Variants in TECRL observed in about 807,000 individuals in gnomAD.
TECRL encodes trans-2,3-enoyl-CoA reductase-like.
A neutral mutation model predicts 52.8 loss-of-function variants in TECRL; 63 were observed. The ratio of observed to expected loss-of-function variants is 1.19; its 90% CI spans 0.97 to 1.47. TECRL has a LOEUF of 1.47. Among genes scored for constraint, TECRL ranks in the 40% most tolerant of loss-of-function variants. TECRL has a pLI of 0.00. For missense variants in TECRL, 482 were observed against 429.6 expected, an observed-to-expected ratio of 1.12 and a Z score of -1.08; for synonymous variants, 164 against 141.9, an observed-to-expected ratio of 1.16 and a Z score of -1.10.
chr4:64,281,835 T>C (rs1462953157), intron 9 of TECRL, among the ~76,000 whole-genome samples: 1 of 151,866 alleles, frequency 6.6e-6, no homozygotes, highest in East Asian at 1.9e-4. Context: ...TTCTTTAAGA[T>C]CTTAAATATA....
At chr4:64,314,824 T>A in intron 4 of TECRL, 61 bp from the exon 5 acceptor site, 1 of 1,196,764 alleles carries the variant, frequency 8.4e-7, no homozygotes, top group Non-Finnish European at 1.2e-6. Context: ...GGTTCATTTG[T>A]GTCTATGAGT....
At chr4:64,354,051 A>T (rs1014808235) in intron 2 of TECRL, among the ~76,000 whole-genome samples, 3 of 152,200 alleles carry the variant, frequency 2.0e-5, no homozygotes, top group Non-Finnish European at 4.4e-5. Context: ...CAAACTAGAC[A>T]TGCTCAAATA....
intron 2 of TECRL, among the ~76,000 whole-genome samples, chr4:64,368,001 C>A (rs1721721264): frequency 1.3e-5 from 2 of 151,896 alleles, no homozygotes; most frequent in African/African-American, 2.4e-5. Context: ...GTTTTATTAA[C>A]CTGGTAGTGT....
intron 1 of TECRL, among the ~76,000 whole-genome samples, chr4:64,385,724 T>C (rs1200094687): frequency 6.6e-6 from 1 of 152,056 alleles, no homozygotes; most frequent in Non-Finnish European, 1.5e-5. Flanking sequence ...TCTTAAGAGA[T>C]GTGTGGAACG....
intron 11 of TECRL, among the ~76,000 whole-genome samples, chr4:64,280,691 CA>C (rs1430788390): frequency 1.3e-5 from 2 of 152,084 alleles, no homozygotes; most frequent in East Asian, 3.9e-4. Flanking sequence ...AACTCTCATA[CA>C]ACCCAACTCT....
chr4:64,279,595 G>T lies in TECRL; in HGVS notation c.*477C>A. On this transcript the variant is annotated 3_prime_UTR_variant, in exon 12 of 12. Coordinates refer to ENST00000381210, the MANE Select transcript of TECRL (RefSeq NM_001010874.5). Reference sequence around the variant, plus strand: ...CATATTTTTTGTCTTTTTGAAAATAGTCACCTTAATTAGGATGAGATGATA... The same window carrying T: ...CATATTTTTTGTCTTTTTGAAAATATTCACCTTAATTAGGATGAGATGATA... 1 of 199,490 alleles carries T rather than the reference G, an allele frequency of 5.0e-6. No individual in the cohort carries two copies. The highest frequency in any genetic ancestry group is 1.8e-4 in the South Asian group (1 of 5,688). The allele number at this position is 199,490 out of a possible 1,614,324, so 12.4% of individuals were successfully genotyped here. A position where few individuals can be genotyped will look rare whatever the true frequency, so the allele number is the denominator to read the frequency against.
chr4:64,399,314 T>C (rs1699646196), intron 1 of TECRL, among the ~76,000 whole-genome samples: 1 of 152,082 alleles, frequency 6.6e-6, no homozygotes, highest in Non-Finnish European at 1.5e-5. Context: ...TAACTTGAAG[T>C]TGGAACTTAT....
intron 6 of TECRL, among the ~76,000 whole-genome samples, chr4:64,306,163 CTCTG>C (rs1377909878): frequency 6.6e-6 from 1 of 152,144 alleles, no homozygotes; most frequent in Non-Finnish European, 1.5e-5. Flanking sequence ...AACACTGGGC[CTCTG>C]TCAGTCAGTT....
At chr4:64,407,495 G>A (rs1264061999) in intron 1 of TECRL, among the ~76,000 whole-genome samples, 2 of 151,818 alleles carry the variant, frequency 1.3e-5, no homozygotes, top group Non-Finnish European at 2.9e-5. Flanking sequence ...ATGTGTGTGT[G>A]TGTGTGTGTG....
At chr4:64,391,199 T>C (rs1376058454) in intron 1 of TECRL, among the ~76,000 whole-genome samples, 1 of 151,910 alleles carries the variant, frequency 6.6e-6, no homozygotes, top group Non-Finnish European at 1.5e-5. Context: ...AAAAGTTTGA[T>C]GATTATATGA....
chr4:64,406,060 A>G (rs988441463), intron 1 of TECRL, among the ~76,000 whole-genome samples: 1 of 152,110 alleles, frequency 6.6e-6, no homozygotes. Flanking sequence ...GAAAGCTGAC[A>G]ATATGAATAC....
chr4:64,403,568 T>A (rs1203119181), intron 1 of TECRL, among the ~76,000 whole-genome samples: 1 of 151,766 alleles, frequency 6.6e-6, no homozygotes, highest in Non-Finnish European at 1.5e-5. Flanking sequence ...ATAAACTATC[T>A]AGGACACACA....
chr4:64,313,813 T>C (rs1004779974), intron 5 of TECRL, among the ~76,000 whole-genome samples: 91 of 150,288 alleles, frequency 6.1e-4, no homozygotes, highest in Admixed American at 1.9e-3. Flanking sequence ...TTCAAAATGG[T>C]ATTTAATTTT....
intron 6 of TECRL, among the ~76,000 whole-genome samples, 178 bp from the exon 7 acceptor site, chr4:64,305,416 T>C (rs1158816825): frequency 1.3e-5 from 2 of 152,092 alleles, no homozygotes; most frequent in African/African-American, 4.8e-5. Context: ...ATAAACAGAA[T>C]ATTACTTTGC....
intron 4 of TECRL, among the ~76,000 whole-genome samples, chr4:64,321,204 G>C (rs921318822): frequency 6.6e-6 from 1 of 150,996 alleles, no homozygotes; most frequent in Non-Finnish European, 1.5e-5. Context: ...AAGAAAGACT[G>C]TTAGAAAATA....
intron 7 of TECRL, among the ~76,000 whole-genome samples, chr4:64,300,939 C>G (rs1025639463): frequency 6.6e-6 from 1 of 150,828 alleles, no homozygotes; most frequent in African/African-American, 2.4e-5. Context: ...ATAAATAATA[C>G]TGCTTTGAAC....
chr4:64,398,957 T>G (rs1342543555), intron 1 of TECRL, among the ~76,000 whole-genome samples: 1 of 152,152 alleles, frequency 6.6e-6, no homozygotes, highest in Non-Finnish European at 1.5e-5. Context: ...AGAGCATGGG[T>G]GCATTGTGCC....
chr4:64,408,310 C>T (rs1724867485), intron 1 of TECRL, among the ~76,000 whole-genome samples: 1 of 151,808 alleles, frequency 6.6e-6, no homozygotes, highest in Non-Finnish European at 1.5e-5. Flanking sequence ...TTTTGTAAAA[C>T]AAGATCAAGC....
intron 1 of TECRL, among the ~76,000 whole-genome samples, chr4:64,407,832 T>C (rs952518027): frequency 6.7e-6 from 1 of 150,004 alleles, no homozygotes; most frequent in African/African-American, 2.4e-5. Context: ...ATTTAAATAT[T>C]AAATATTTTG....
Sources: allele counts gnomAD v4.1 joint callset (sites outside exome capture counted in the v4.1 genomes callset), GRCh38; gene constraint gnomAD v4.1.1; transcripts MANE v1.5; gene names NCBI Gene and HGNC (gene_info 2026-07-23, HGNC 2026-07-21).